Variants in BRINP3 observed in about 807,000 individuals in gnomAD.
The protein encoded by BRINP3 is BMP/retinoic acid inducible neural specific 3.
Under a neutral mutation model 71.0 loss-of-function variants are expected in BRINP3, and 19 were observed. The ratio of observed to expected loss-of-function variants is 0.27; its 90% CI spans 0.19 to 0.39. BRINP3 has a LOEUF of 0.39. BRINP3 is among the 10% of genes least tolerant of loss of function. The pLI, the probability that BRINP3 is intolerant of heterozygous loss-of-function variation, is 1.00. For synonymous variants in BRINP3, 380 were observed against 337.7 expected, an observed-to-expected ratio of 1.13 and a Z score of -1.37; for missense variants, 959 against 940.8, an observed-to-expected ratio of 1.02 and a Z score of -0.25.
intron 2 of BRINP3, among the ~76,000 whole-genome samples, chr1:190,282,371 T>A (rs914300192): frequency 6.6e-6 from 1 of 151,808 alleles, no homozygotes; most frequent in Non-Finnish European, 1.5e-5. Flanking sequence ...ATGAAAGATA[T>A]GTCTATAAAA....
At chr1:190,233,744 C>T (rs746276322) in intron 5 of BRINP3, among the ~76,000 whole-genome samples, 3 of 152,022 alleles carry the variant, frequency 2.0e-5, no homozygotes, top group Non-Finnish European at 2.9e-5. Context: ...CTGTTCCTGC[C>T]TATAAGAATG....
intron 7 of BRINP3, among the ~76,000 whole-genome samples, chr1:190,109,135 T>C (rs371686806): frequency 6.6e-6 from 1 of 152,220 alleles, no homozygotes; most frequent in African/African-American, 2.4e-5. Context: ...TCTGTATTCA[T>C]GTATTGCTTT....
chr1:190,132,359 A>G (rs1296732970), intron 7 of BRINP3, among the ~76,000 whole-genome samples: 2 of 151,820 alleles, frequency 1.3e-5, no homozygotes, highest in East Asian at 3.9e-4. Context: ...TGCCATTACA[A>G]TTTTCGTAGT....
At chr1:190,134,002 G>T (rs1291340414) in intron 7 of BRINP3, among the ~76,000 whole-genome samples, 1 of 152,112 alleles carries the variant, frequency 6.6e-6, no homozygotes, top group Non-Finnish European at 1.5e-5. Flanking sequence ...CATTTCTTGT[G>T]TTGGGGGATT....
At chr1:190,326,704 G>A (rs982441298) in intron 2 of BRINP3, among the ~76,000 whole-genome samples, 1 of 152,036 alleles carries the variant, frequency 6.6e-6, no homozygotes, top group Non-Finnish European at 1.5e-5. Flanking sequence ...GTCAAACTAA[G>A]CTTCATAAGC....
At chr1:190,149,961 A>T (rs1229942138) in intron 7 of BRINP3, among the ~76,000 whole-genome samples, 1 of 152,116 alleles carries the variant, frequency 6.6e-6, no homozygotes, top group East Asian at 1.9e-4. Flanking sequence ...ATTGTGAGAT[A>T]GGAGATTTTT....
chr1:190,149,260 A>G (rs1252131929), intron 7 of BRINP3, among the ~76,000 whole-genome samples: 1 of 152,194 alleles, frequency 6.6e-6, no homozygotes, highest in Non-Finnish European at 1.5e-5. Flanking sequence ...CTTCATCAAG[A>G]GATATTGGTG....
chr1:190,299,286 A>G (rs1192073520), intron 2 of BRINP3, among the ~76,000 whole-genome samples: 1 of 151,984 alleles, frequency 6.6e-6, no homozygotes, highest in African/African-American at 2.4e-5. Flanking sequence ...TAGTGTATGT[A>G]TACCATCTCT....
intron 1 of BRINP3, among the ~76,000 whole-genome samples, chr1:190,467,021 CT>C (rs1287913735): frequency 9.9e-5 from 15 of 151,506 alleles, no homozygotes; most frequent in Non-Finnish European, 1.8e-4. Context: ...ATTGTTATGA[CT>C]ATTTTCAGAA....
At chr1:190,193,974 C>G (rs1571324353) in intron 6 of BRINP3, among the ~76,000 whole-genome samples, 1 of 152,068 alleles carries the variant, frequency 6.6e-6, no homozygotes, top group South Asian at 2.1e-4. Flanking sequence ...ACTAACTCAC[C>G]CCACCTTTTG....
At position 190,456,062 on chromosome 1, in the gene BRINP3, T is replaced by C. The variant is rs1392690236; in HGVS notation, c.-50-1122A>G. 3.9e-5 allele frequency among the ~76,000 whole-genome samples: 6 copies of C among 152,234 alleles called. No homozygotes were observed. In the East Asian group the frequency reaches 9.6e-4, roughly 24 times the overall value. ...GAGTTCTTACTCAGCAAAACATCTT[T>C]AGAAAAAAAGATTAAGATTTACAGT... On this transcript the variant is annotated intron_variant, in intron 1 of 7. Transcript: ENST00000367462.
chr1:190,361,875 G>A (rs1371525120), intron 2 of BRINP3, among the ~76,000 whole-genome samples: 15 of 152,118 alleles, frequency 9.9e-5, no homozygotes, highest in Admixed American at 9.8e-4. Context: ...AAATGTTTGA[G>A]TTCTCCCAAA....
intron 7 of BRINP3, among the ~76,000 whole-genome samples, chr1:190,123,428 C>T (rs868804843): frequency 2.6e-5 from 4 of 152,028 alleles, no homozygotes; most frequent in Non-Finnish European, 4.4e-5. Flanking sequence ...AATGTTAGCT[C>T]GTCGGTATGG....
At chr1:190,438,803 C>G (rs1674633439) in intron 2 of BRINP3, among the ~76,000 whole-genome samples, 1 of 151,726 alleles carries the variant, frequency 6.6e-6, no homozygotes. Flanking sequence ...TCTCAAGATG[C>G]CATAATAGTG....
intron 3 of BRINP3, among the ~76,000 whole-genome samples, chr1:190,275,074 A>C (rs1571599246): frequency 6.6e-6 from 1 of 151,598 alleles, no homozygotes; most frequent in Non-Finnish European, 1.5e-5. Context: ...ATAGACTACA[A>C]ATTTTCTAAG....
At chr1:190,374,139 A>T (rs760714489) in intron 2 of BRINP3, among the ~76,000 whole-genome samples, 18 of 152,048 alleles carry the variant, frequency 1.2e-4, no homozygotes, top group Non-Finnish European at 2.5e-4. Flanking sequence ...TCTATGTGAG[A>T]TGTGTATGTA....
At chr1:190,137,590 G>C (rs1655082699) in intron 7 of BRINP3, among the ~76,000 whole-genome samples, 1 of 152,132 alleles carries the variant, frequency 6.6e-6, no homozygotes, top group Non-Finnish European at 1.5e-5. Flanking sequence ...ACTGAAAAGA[G>C]AGAATTTTTA....
rs571495015 is a variant in BRINP3, at chr1:190,156,635, T to G, written c.1184+4033A>C. Among the ~76,000 whole-genome samples, 18 of 152,080 alleles carry G rather than the reference T, an allele frequency of 1.2e-4. No individual in the cohort carries two copies. In the South Asian group the frequency reaches 3.7e-3, roughly 31 times the overall value. On this transcript the variant is annotated intron_variant, in intron 7 of 7. Transcript: ENST00000367462. Reference sequence around the variant, plus strand: ...AAACGGGGATGGAAAATATCAAACTTCAATAAACAAATTTATCTAGCAAGA... The same window carrying G: ...AAACGGGGATGGAAAATATCAAACTGCAATAAACAAATTTATCTAGCAAGA...
At chr1:190,320,109 A>AAC (rs1221139330) in intron 2 of BRINP3, among the ~76,000 whole-genome samples, 1 of 151,934 alleles carries the variant, frequency 6.6e-6, no homozygotes, top group African/African-American at 2.4e-5. Context: ...ATAATAATGA[A>AAC]ACAAATTTTA....
Sources: gnomAD v4.1 joint callset for allele counts (sites outside exome capture counted in the v4.1 genomes callset) on GRCh38, gnomAD v4.1.1 for gene constraint, MANE v1.5 for transcripts, NCBI Gene and HGNC (gene_info 2026-07-23, HGNC 2026-07-21) for gene names.